Variants in PRSS55 observed in about 807,000 individuals in gnomAD.
PRSS55 encodes probable serine protease UNQ9391/PRO34284.
Under a neutral mutation model 23.6 loss-of-function variants are expected in PRSS55, and 41 were observed. The ratio of observed to expected loss-of-function variants is 1.74; its 90% confidence interval spans 1.35 to 2.26. PRSS55 has a LOEUF of 2.26. PRSS55 is among the 30% of genes most tolerant of loss of function. The pLI is 0.00. For missense variants in PRSS55, 669 were observed against 439.1 expected (o/e 1.52, Z -4.68); for synonymous variants, 262 against 175.5 (o/e 1.49, Z -3.90).
At chr8:10,542,943 G>C (rs1332598093), downstream of PRSS55, among the ~76,000 whole-genome samples, 2 of 151,044 alleles carry the variant, frequency 1.3e-5, no homozygotes, top group East Asian at 1.9e-4. Flanking sequence ...AGGCTCAGGT[G>C]TCTGTGGCTG....
At chr8:10,548,164 G>A (rs1298668456) in intron 4 of PRSS55, among the ~76,000 whole-genome samples, 1 of 152,250 alleles carries the variant, frequency 6.6e-6, no homozygotes, top group South Asian at 2.1e-4. Flanking sequence ...GAGCTGGGGC[G>A]GGCTTTGGAG....
intron 4 of PRSS55, among the ~76,000 whole-genome samples, chr8:10,545,973 C>T (rs1037424996): frequency 2.0e-5 from 3 of 152,062 alleles, no homozygotes; most frequent in South Asian, 2.1e-4. Context: ...CTTGCCAGAG[C>T]GCTGTCCTCA....
downstream of PRSS55, among the ~76,000 whole-genome samples, chr8:10,542,416 G>GT (rs1812682357): frequency 4.2e-5 from 2 of 47,096 alleles, no homozygotes. Flanking sequence ...GCACCATGCG[G>GT]GGGAAAAAAA....
At chr8:10,528,078 G>C (rs1812101494) in intron 1 of PRSS55, among the ~76,000 whole-genome samples, 1 of 151,988 alleles carries the variant, frequency 6.6e-6, no homozygotes, top group Non-Finnish European at 1.5e-5. Context: ...TGTAGTCCCA[G>C]CTACTTGGGA....
rs148061575 is a variant in PRSS55 at position 10,538,755 on chromosome 8, C to G, written c.1021C>G (p.Pro341Ala). ...GSPRSWLLLC[P>A]LSHVLFRAIL... The stretch of plus-strand genomic sequence containing the variant: ...CCCCAGATCCTGGCTCCTGCTCTGT[C>G]CCCTGTCCCATGTGTTGTTCAGAGC... The change falls in exon 5 of 5, where the codon CCC becomes GCC. Residue 341 changes from proline (P) to alanine (A), a missense_variant. By Grantham distance (27) the Pro-to-Ala change is conservative (BLOSUM62 -1). Transcript: ENST00000328655. 3,491 of 1,604,774 alleles carry G rather than the reference C, an allele frequency of 2.2e-3. 5 individuals are homozygous for G. The highest frequency in any genetic ancestry group is 3.8e-3 in the Admixed American group (220 of 57,990).
At chr8:10,543,409 C>CT (rs142427006), downstream of PRSS55, among the ~76,000 whole-genome samples, 36,258 of 106,622 alleles carry the variant, frequency 0.34, 6,931 homozygotes, top group South Asian at 0.49. Context: ...TTCTTTCTTT[C>CT]TTTCTTCTTT....
chr8:10,546,897 C>G (rs1812831719), intron 4 of PRSS55, among the ~76,000 whole-genome samples: 1 of 152,080 alleles, frequency 6.6e-6, no homozygotes. Context: ...CCCAGGCTGG[C>G]CTTGTACTCC....
intron 4 of PRSS55, among the ~76,000 whole-genome samples, chr8:10,534,872 G>C (rs984111852): frequency 1.3e-5 from 2 of 152,072 alleles, no homozygotes; most frequent in African/African-American, 4.8e-5. Flanking sequence ...GCAAAGTTTC[G>C]GGATACAAAA....
At chr8:10,545,139 A>T (rs978349219) in intron 4 of PRSS55, 1 of 264,908 alleles carries the variant, frequency 3.8e-6, no homozygotes, top group African/African-American at 2.3e-5. Context: ...TTCATAAAAC[A>T]TAAAATTGAA....
chr8:10,542,418 G>GGGGAA (rs1554584730), downstream of PRSS55, among the ~76,000 whole-genome samples: 1,105 of 33,690 alleles, frequency 0.033, 20 homozygotes, highest in African/African-American at 0.06. Flanking sequence ...ACCATGCGGG[G>GGGGAA]GAAAAAAAAA....
chr8:10,550,300 G>A (rs1473997225), intron 4 of PRSS55, among the ~76,000 whole-genome samples: 2 of 152,138 alleles, frequency 1.3e-5, no homozygotes, highest in Admixed American at 6.5e-5. Flanking sequence ...AGAAGTGGGG[G>A]TCTAGAACTC....
At chr8:10,545,626 GC>G (rs1454486268) in intron 4 of PRSS55, among the ~76,000 whole-genome samples, 1 of 152,164 alleles carries the variant, frequency 6.6e-6, no homozygotes. Context: ...TGGCTACCAA[GC>G]CCAGGCTTTC....
intron 4 of PRSS55, among the ~76,000 whole-genome samples, chr8:10,536,265 G>T (rs757626330): frequency 6.6e-6 from 1 of 151,982 alleles, no homozygotes; most frequent in South Asian, 2.1e-4. Flanking sequence ...AAAAAATAAA[G>T]CTCAATATCA....
At chr8:10,529,197 T>C (rs1203213526) in intron 1 of PRSS55, among the ~76,000 whole-genome samples, 2 of 152,192 alleles carry the variant, frequency 1.3e-5, no homozygotes, top group African/African-American at 2.4e-5. Context: ...ACTGTTTTCT[T>C]CCGATTTCTC....
In PRSS55 at chr8:10,546,200, C is replaced by T. The variant is rs558727390; in HGVS notation, c.742-7743C>T. Among the ~76,000 whole-genome samples the T allele has an allele frequency of 3.2e-4, 48 of 152,302 alleles. No individual in the cohort carries two copies. In the Middle Eastern group the frequency reaches 0.024, roughly 76 times the overall value. The stretch of plus-strand genomic sequence containing the variant: ...ACGTGAGCCTCTATGTCCCAGGTCC[C>T]TTGCCTGTAAAATGAGAATCATTGC... On this transcript the variant is annotated intron_variant, in intron 4 of 4. Transcript: ENST00000522210.
chr8:10,538,812 T>A lies in PRSS55; in HGVS notation c.*19T>A. ...GTACTGATAATAAAATAGAGGCTAT[T>A]CTTTCAACCGAGGGAGGGTGCATGC... is the stretch of plus-strand genomic sequence containing the variant. On this transcript the variant is annotated 3_prime_UTR_variant, in exon 5 of 5. Coordinates refer to ENST00000328655, the MANE Select transcript of PRSS55 (RefSeq NM_198464.4). 6.5e-7 allele frequency: 1 copy of A among 1,530,842 alleles called. No individual in the cohort carries two copies. The highest frequency in any genetic ancestry group is 8.8e-7 in the Non-Finnish European group (1 of 1,141,050). 94.8% of individuals were successfully genotyped at this position (1,530,842 alleles called of 1,614,324 possible).
intron 4 of PRSS55, among the ~76,000 whole-genome samples, chr8:10,546,831 G>C (rs998116688): frequency 1.3e-5 from 2 of 151,968 alleles, no homozygotes; most frequent in African/African-American, 4.8e-5. Flanking sequence ...GCACACAGGA[G>C]TGTGCAATCA....
chr8:10,552,648 T>C (rs1475269540), intron 4 of PRSS55, among the ~76,000 whole-genome samples: 1 of 152,142 alleles, frequency 6.6e-6, no homozygotes, highest in Non-Finnish European at 1.5e-5. Flanking sequence ...AGAAGACACA[T>C]AAGTGGCTAA....
downstream of PRSS55, chr8:10,540,863 G>A (rs1202004718): frequency 6.6e-6 from 1 of 152,252 alleles, no homozygotes; most frequent in Admixed American, 6.5e-5. Context: ...CCCAGTGGAG[G>A]GTGGCCAGCT....
Sources: gnomAD v4.1 joint callset for allele counts (sites outside exome capture counted in the v4.1 genomes callset) on GRCh38, gnomAD v4.1.1 for gene constraint, MANE v1.5 for transcripts, NCBI Gene and HGNC (gene_info 2026-07-23, HGNC 2026-07-21) for gene names.